The following DNAJC21 variants were observed in gnomAD, a reference collection of about 807,000 sequenced individuals.
The protein encoded by DNAJC21 is DnaJ heat shock protein family (Hsp40) member C21, also known as dnaJ homolog subfamily C member 21.
Under a neutral mutation model 72.4 loss-of-function variants are expected in DNAJC21, and 63 were observed. That is an observed-to-expected ratio of 0.87 (90% CI 0.71 to 1.07). DNAJC21 has a LOEUF of 1.07. Ranked by LOEUF, DNAJC21 falls within the 50% of genes least tolerant of loss-of-function variation. The pLI is 0.00. For synonymous variants in DNAJC21, 203 were observed against 216.7 expected, an observed-to-expected ratio of 0.94 and a Z score of 0.56; for missense variants, 634 against 644.8, an observed-to-expected ratio of 0.98 and a Z score of 0.18.
intron 7 of DNAJC21, 122 bp downstream of exon 7, chr5:34,941,305 C>T: frequency 2.3e-6 from 2 of 855,258 alleles, no homozygotes; most frequent in South Asian, 3.4e-5. Flanking sequence ...TCAGATGATC[C>T]TCCCATGTCA....
intron 3 of DNAJC21, 44 bp downstream of exon 3, chr5:34,935,877 A>G: frequency 6.2e-7 from 1 of 1,610,236 alleles, no homozygotes; most frequent in East Asian, 2.2e-5. Flanking sequence ...CAAGTACTTC[A>G]TTAAGACTCA....
chr5:34,950,165 C>T lies in DNAJC21; in HGVS notation c.1186-5C>T. ...TTGTAACGGCACATATGTTTTATTA[C>T]CTAGAATTATGATGACAATTTCAAT... On this transcript the variant is annotated splice_region_variant and splice_polypyrimidine_tract_variant and intron_variant, in intron 9 of 11. Coordinates refer to ENST00000648817, the MANE Select transcript of DNAJC21 (RefSeq NM_001012339.3). 1.9e-6 allele frequency: 3 copies of T among 1,596,434 alleles called. No homozygotes were observed. The highest frequency in any genetic ancestry group is 2.6e-6 in the Non-Finnish European group (3 of 1,173,456).
intron 2 of DNAJC21, 22 bp from the exon 3 acceptor site, chr5:34,935,688 G>A: frequency 6.2e-7 from 1 of 1,613,476 alleles, no homozygotes; most frequent in Non-Finnish European, 8.5e-7. Context: ...CCTTCACAAT[G>A]ATGCTAATTT....
chr5:34,950,687 T>A, intron 10 of DNAJC21: 1 of 998,950 alleles, frequency 1.0e-6, no homozygotes, highest in Non-Finnish European at 1.2e-6. Flanking sequence ...GCTGCGTCCC[T>A]GGAGTGTCAC....
chr5:34,949,870 T>G (rs1765301505), intron 9 of DNAJC21, among the ~76,000 whole-genome samples: 1 of 152,226 alleles, frequency 6.6e-6, no homozygotes, highest in Non-Finnish European at 1.5e-5. Context: ...ATAATTTTCT[T>G]TCTTCTACTT....
Position 34,956,906 on chromosome 5 carries a change from C to T in DNAJC21, c.*2192C>T, listed in dbSNP as rs1051291552. On this transcript the variant is annotated 3_prime_UTR_variant, in exon 12 of 12. Transcript: ENST00000648817. Reference sequence around the variant, plus strand: ...CCATAATAATATTGTCTCCATTTATCATACAGGATCATTATGAAAGTAAAA... The same window carrying T: ...CCATAATAATATTGTCTCCATTTATTATACAGGATCATTATGAAAGTAAAA... 1 of 152,138 alleles carries T rather than the reference C, an allele frequency of 6.6e-6. No homozygotes were observed. The highest frequency in any genetic ancestry group is 1.5e-5 in the Non-Finnish European group (1 of 68,026). The allele number at this position is 152,138 out of a possible 1,614,324, so 9.4% of individuals were successfully genotyped here. A position where few individuals can be genotyped will look rare whatever the true frequency, so the allele number is the denominator to read the frequency against.
At chr5:34,946,426 A>G (rs1361045621) in intron 9 of DNAJC21, among the ~76,000 whole-genome samples, 1 of 152,134 alleles carries the variant, frequency 6.6e-6, no homozygotes, top group Non-Finnish European at 1.5e-5. Context: ...ATGGCATTTT[A>G]GTATAATCTA....
chr5:34,935,977 A>G (rs1277118734), intron 3 of DNAJC21, 144 bp downstream of exon 3: 18 of 1,409,820 alleles, frequency 1.3e-5, no homozygotes, highest in Non-Finnish European at 8.6e-6. Flanking sequence ...TTCATGTTTA[A>G]GCTGTCAGTG....
In DNAJC21 at chr5:34,956,693, T is replaced by C. The variant is rs1416802066; in HGVS notation, c.*1979T>C. On this transcript the variant is annotated 3_prime_UTR_variant, in exon 12 of 12. Coordinates refer to ENST00000648817, the MANE Select transcript of DNAJC21 (RefSeq NM_001012339.3). ...TATACCAAACATGCAGGTATTTAAT[T>C]TGTTTAATGAGGGTTGAGTGGAGTT... 1 of 152,198 alleles carries C rather than the reference T, an allele frequency of 6.6e-6. No individual in the cohort carries two copies. The highest frequency in any genetic ancestry group is 6.5e-5 in the Admixed American group (1 of 15,280). The allele number at this position is 152,198 out of a possible 1,614,324, so 9.4% of individuals were successfully genotyped here. A position where few individuals can be genotyped will look rare whatever the true frequency, so the allele number is the denominator to read the frequency against.
At chr5:34,931,953 C>A (rs1764611254) in intron 1 of DNAJC21, among the ~76,000 whole-genome samples, 1 of 152,194 alleles carries the variant, frequency 6.6e-6, no homozygotes, top group Non-Finnish European at 1.5e-5. Flanking sequence ...CAAATATCTT[C>A]TCTAAATATC....
intron 3 of DNAJC21, 118 bp from the exon 4 acceptor site, chr5:34,936,026 G>C (rs947071305): frequency 4.1e-6 from 6 of 1,462,912 alleles, no homozygotes; most frequent in Non-Finnish European, 5.5e-6. Flanking sequence ...GTATTGCAGG[G>C]ACTGAACTTT....
rs184475283 is a variant in DNAJC21, at chr5:34,937,044, C to T, written c.439-282C>T. ...GGGATTACAGGCGTGAGCCACCATG[C>T]CTACTTTTCCCTTTTAATTTACTAA... is the stretch of plus-strand genomic sequence containing the variant. On this transcript the variant is annotated intron_variant, in intron 4 of 11. Transcript: ENST00000648817. Among the ~76,000 whole-genome samples the T allele has an allele frequency of 1.7e-3, 260 of 152,310 alleles. 2 individuals carry two copies. The highest frequency in any genetic ancestry group is 6.0e-3 in the African/African-American group (249 of 41,570).
chr5:34,946,143 A>G (rs1387085591), intron 9 of DNAJC21, among the ~76,000 whole-genome samples: 1 of 152,182 alleles, frequency 6.6e-6, no homozygotes, highest in African/African-American at 2.4e-5. Flanking sequence ...ATCTTGAAAT[A>G]GGAAAATCTG....
At chr5:34,948,080 C>T (rs925102627) in intron 9 of DNAJC21, among the ~76,000 whole-genome samples, 5 of 152,186 alleles carry the variant, frequency 3.3e-5, no homozygotes, top group Admixed American at 3.3e-4. Flanking sequence ...TAAATTGTAG[C>T]TGGGAACCAT....
intron 10 of DNAJC21, among the ~76,000 whole-genome samples, chr5:34,952,947 G>A (rs1460731811): frequency 6.6e-6 from 1 of 151,912 alleles, no homozygotes; most frequent in African/African-American, 2.4e-5. Context: ...TCAGGAGTTC[G>A]AGACCATCCT....
chr5:34,939,107 ATAAT>A, intron 6 of DNAJC21, 98 bp downstream of exon 6: 1 of 1,114,370 alleles, frequency 9.0e-7, no homozygotes, highest in Non-Finnish European at 1.2e-6. Context: ...AATGTGGCAA[ATAAT>A]TAAAAATAAT....
chr5:34,945,618 C>G, intron 8 of DNAJC21, 143 bp from the exon 9 acceptor site: 1 of 654,012 alleles, frequency 1.5e-6, no homozygotes, highest in East Asian at 3.1e-5. Context: ...CTTTATTTTC[C>G]TTTTAATGCT....
In DNAJC21 at chr5:34,943,728, C is replaced by T. The variant is rs998620088; in HGVS notation, c.984-1139C>T. On this transcript the variant is annotated intron_variant, in intron 7 of 11. Coordinates refer to ENST00000648817, the MANE Select transcript of DNAJC21 (RefSeq NM_001012339.3). ...TGATGCTTTTCCAGTGCCAGTACCC[C>T]CTCAAGTTTTTATCAGTTAGCACTT... Among the ~76,000 whole-genome samples, 10 of 152,172 alleles carry T rather than the reference C, an allele frequency of 6.6e-5. No individual in the cohort carries two copies. The South Asian group carries it at 1.4e-3, about 22-fold the overall frequency.
intron 10 of DNAJC21, chr5:34,951,454 G>A (rs765821905): frequency 2.0e-6 from 2 of 985,262 alleles, no homozygotes; most frequent in African/African-American, 3.5e-5. Flanking sequence ...GGCACAAAGA[G>A]TGGGCCAGGA....
Sources: gnomAD v4.1 joint callset for allele counts (sites outside exome capture counted in the v4.1 genomes callset) on GRCh38, gnomAD v4.1.1 for gene constraint, MANE v1.5 for transcripts, NCBI Gene and HGNC (gene_info 2026-07-23, HGNC 2026-07-21) for gene names.